Variants in TNIK observed in about 807,000 individuals in gnomAD.
TNIK encodes the protein TRAF2 and NCK-interacting protein kinase.
TNIK carries 49 observed loss-of-function variants against 191.3 expected under a neutral mutation model. The observed-to-expected ratio is 0.26, with a 90% confidence interval of 0.20 to 0.32. The LOEUF (loss-of-function observed/expected upper bound fraction) is 0.32. Ranked by LOEUF, TNIK falls within the 10% of genes least tolerant of loss-of-function variation. The pLI, the probability that TNIK is intolerant of heterozygous loss-of-function variation, is 1.00. For synonymous variants in TNIK, 594 were observed against 600.9 expected, an observed-to-expected ratio of 0.99 and a Z score of 0.17; for missense variants, 1,155 against 1,702.3, an observed-to-expected ratio of 0.68 and a Z score of 5.66.
At chr3:171,281,532 CT>C (rs1325575899) in intron 2 of TNIK, among the ~76,000 whole-genome samples, 3 of 152,180 alleles carry the variant, frequency 2.0e-5, no homozygotes, top group Non-Finnish European at 4.4e-5. Flanking sequence ...CCACATAGGA[CT>C]TTTGTGAGGA....
At chr3:171,237,819 G>A (rs1056584300) in intron 2 of TNIK, among the ~76,000 whole-genome samples, 3 of 152,132 alleles carry the variant, frequency 2.0e-5, no homozygotes, top group South Asian at 4.2e-4. Context: ...CTACTCTGCC[G>A]AGGTGGGAGG....
chr3:171,345,076 G>A (rs755706297), intron 2 of TNIK, among the ~76,000 whole-genome samples: 50 of 152,074 alleles, frequency 3.3e-4, no homozygotes, highest in Non-Finnish European at 6.2e-4. Flanking sequence ...CAACTGATGT[G>A]AATCAACCCT....
intron 21 of TNIK, among the ~76,000 whole-genome samples, chr3:171,104,903 TA>T (rs1724472634): frequency 6.7e-6 from 1 of 150,060 alleles, no homozygotes; most frequent in Admixed American, 6.6e-5. Context: ...AAAACAGCGG[TA>T]AAAACAGTGT....
intron 1 of TNIK, among the ~76,000 whole-genome samples, chr3:171,376,582 G>T (rs944667923): frequency 6.6e-6 from 1 of 152,046 alleles, no homozygotes; most frequent in Non-Finnish European, 1.5e-5. Context: ...TCATCATAAC[G>T]ACAAGCAGCA....
At chr3:171,196,946 G>A (rs1050272474) in intron 4 of TNIK, among the ~76,000 whole-genome samples, 4 of 152,044 alleles carry the variant, frequency 2.6e-5, no homozygotes, top group African/African-American at 4.8e-5. Flanking sequence ...TAGTAGACAC[G>A]GGGTTTCACC....
chr3:171,287,241 A>T (rs951902787), intron 2 of TNIK, among the ~76,000 whole-genome samples: 4 of 152,226 alleles, frequency 2.6e-5, no homozygotes, highest in African/African-American at 9.6e-5. Flanking sequence ...ATTGAACAAA[A>T]ATTCTCATTT....
rs182104631 is a variant in TNIK at position 171,218,684 on chromosome 3, T to A, written c.181-7443A>T. ...GGCTTTCTAATCTTAATATTGTTTT[T>A]ATATTTATTTTTACATAAATATGCA... On this transcript the variant is annotated intron_variant, in intron 3 of 32. Coordinates refer to ENST00000436636, the MANE Select transcript of TNIK (RefSeq NM_015028.4). 1.7e-4 allele frequency among the ~76,000 whole-genome samples: 24 copies of A among 144,778 alleles called. No individual in the cohort carries two copies. The East Asian group carries it at 3.6e-3, about 22-fold the overall frequency. 95.0% of individuals were successfully genotyped at this position (144,778 alleles called of 152,430 possible).
intron 1 of TNIK, among the ~76,000 whole-genome samples, chr3:171,410,916 C>G (rs1297000356): frequency 6.6e-6 from 1 of 151,690 alleles, no homozygotes; most frequent in East Asian, 1.9e-4. Context: ...CACTTCTCAA[C>G]AGGAGAATTG....
intron 1 of TNIK, among the ~76,000 whole-genome samples, chr3:171,373,377 T>C (rs1716792043): frequency 6.6e-6 from 1 of 152,172 alleles, no homozygotes; most frequent in South Asian, 2.1e-4. Flanking sequence ...ACCTTCTAGG[T>C]ACCTTCCCCT....
chr3:171,366,876 G>C lies in TNIK; in HGVS notation c.123+2744C>G, dbSNP rs1367402767. Among the ~76,000 whole-genome samples, 2 of 152,176 alleles carry C rather than the reference G, an allele frequency of 1.3e-5. No individual in the cohort carries two copies. The highest frequency in any genetic ancestry group is 2.4e-5 in the African/African-American group (1 of 41,456). On this transcript the variant is annotated intron_variant, in intron 2 of 32. Coordinates refer to ENST00000436636, the MANE Select transcript of TNIK (RefSeq NM_015028.4). The surrounding 1 kb of genome is among the most constrained non-coding windows in gnomAD (Gnocchi z 4.1). ...CTCATGATAGTGAGTTAGTTCTCAT[G>C]AGATCTGATGGTTTTATAAGAGGCT...
intron 2 of TNIK, among the ~76,000 whole-genome samples, chr3:171,362,046 T>C (rs1307016975): frequency 6.6e-6 from 1 of 152,090 alleles, no homozygotes; most frequent in Admixed American, 6.5e-5. Flanking sequence ...CAATAAAGAC[T>C]CTCTCCTGAG....
intron 2 of TNIK, among the ~76,000 whole-genome samples, chr3:171,311,736 A>G (rs2108301916): frequency 6.6e-6 from 1 of 152,304 alleles, no homozygotes; most frequent in East Asian, 1.9e-4. Flanking sequence ...CCATTATTTT[A>G]ACAAGTTATG....
chr3:171,141,783 C>A (rs1168103495), intron 12 of TNIK, among the ~76,000 whole-genome samples: 1 of 152,146 alleles, frequency 6.6e-6, no homozygotes, highest in Non-Finnish European at 1.5e-5. Flanking sequence ...TTTGGGATTT[C>A]TTTTTCCTCA....
At chr3:171,338,540 G>A (rs967003900) in intron 2 of TNIK, among the ~76,000 whole-genome samples, 2 of 152,130 alleles carry the variant, frequency 1.3e-5, no homozygotes, top group African/African-American at 4.8e-5. Flanking sequence ...CCAGGCTGGA[G>A]TACAGTGGCA....
At chr3:171,333,254 G>T (rs903463930) in intron 2 of TNIK, among the ~76,000 whole-genome samples, 4 of 151,574 alleles carry the variant, frequency 2.6e-5, no homozygotes, top group South Asian at 4.2e-4. Flanking sequence ...AAAAGAAGAA[G>T]AATCTAAGAT....
intron 14 of TNIK, 119 bp from the exon 15 acceptor site, chr3:171,138,498 A>T: frequency 1.1e-6 from 1 of 919,064 alleles, no homozygotes; most frequent in East Asian, 2.9e-5. Context: ...AAGGATCTTA[A>T]TACCAACAGA....
At chr3:171,439,299 G>A (rs559960705) in intron 1 of TNIK, among the ~76,000 whole-genome samples, 4 of 150,862 alleles carry the variant, frequency 2.7e-5, no homozygotes, top group African/African-American at 9.8e-5. Flanking sequence ...AGCTGAGATG[G>A]TGCCACTGCA....
chr3:171,387,283 T>C (rs749373994), intron 1 of TNIK, among the ~76,000 whole-genome samples: 4 of 152,192 alleles, frequency 2.6e-5, no homozygotes, highest in Non-Finnish European at 5.9e-5. Context: ...AAGTGTCTTT[T>C]ATTAGTGCAG....
chr3:171,362,313 G>A (rs1715101940), intron 2 of TNIK, among the ~76,000 whole-genome samples: 1 of 152,114 alleles, frequency 6.6e-6, no homozygotes. Flanking sequence ...TGGCACAAAA[G>A]TTACTGCTGT....
Sources: allele counts gnomAD v4.1 joint callset (sites outside exome capture counted in the v4.1 genomes callset), GRCh38; gene constraint gnomAD v4.1.1; non-coding constraint Gnocchi (gnomAD v3.1); transcripts MANE v1.5; gene names NCBI Gene and HGNC (gene_info 2026-07-23, HGNC 2026-07-21).